WWOX: variants seen among roughly 807,000 people sequenced by gnomAD.
WWOX encodes the protein WW domain containing oxidoreductase.
Under a neutral mutation model 46.2 loss-of-function variants are expected in WWOX, and 69 were observed. The ratio of observed to expected loss-of-function variants is 1.49; its 90% confidence interval spans 1.23 to 1.82. The LOEUF is 1.82. WWOX is among the 40% of genes most tolerant of loss of function. The pLI, the probability that WWOX is intolerant of heterozygous loss-of-function variation, is 0.00. For synonymous variants in WWOX, 359 were observed against 202.6 expected, an observed-to-expected ratio of 1.77 and a Z score of -6.56; for missense variants, 919 against 542.6, an observed-to-expected ratio of 1.69 and a Z score of -6.89.
intron 8 of WWOX, among the ~76,000 whole-genome samples, chr16:78,744,470 C>T (rs1286529200): frequency 8.1e-6 from 1 of 123,526 alleles, no homozygotes; most frequent in African/African-American, 3.0e-5. Flanking sequence ...ATCTGTCTCT[C>T]ACCCAGGCTG....
At chr16:79,192,007 C>T (rs1009422087) in intron 8 of WWOX, among the ~76,000 whole-genome samples, 1 of 152,214 alleles carries the variant, frequency 6.6e-6, no homozygotes, top group Non-Finnish European at 1.5e-5. Flanking sequence ...AAACGCCTTA[C>T]ATAAACTGAC....
chr16:79,183,871 A>G lies in WWOX; in HGVS notation c.1057-27737A>G, dbSNP rs570664565. On this transcript the variant is annotated intron_variant, in intron 8 of 8. Transcript: ENST00000566780. The stretch of plus-strand genomic sequence containing the variant: ...CTGCATCACACTAACACTGTCACTC[A>G]GTCCTTTTCTCACTGCTCTGGTCTC... Among the ~76,000 whole-genome samples, 52 of 152,316 alleles carry G rather than the reference A, an allele frequency of 3.4e-4. No homozygotes were observed. In the South Asian group the frequency reaches 4.4e-3, roughly 13 times the overall value.
At chr16:78,700,650 A>G (rs1039676127) in intron 8 of WWOX, among the ~76,000 whole-genome samples, 8 of 152,130 alleles carry the variant, frequency 5.3e-5, no homozygotes, top group Non-Finnish European at 8.8e-5. Flanking sequence ...GTGCCATCAT[A>G]TTATACTTCC....
intron 8 of WWOX, among the ~76,000 whole-genome samples, chr16:79,012,535 A>C (rs528537302): frequency 5.3e-5 from 8 of 152,168 alleles, no homozygotes; most frequent in Non-Finnish European, 8.8e-5. Context: ...GCGCAGACGG[A>C]CATATGAATT....
intron 8 of WWOX, among the ~76,000 whole-genome samples, chr16:78,709,747 T>TG (rs1022805901): frequency 1.3e-4 from 20 of 151,760 alleles, no homozygotes; most frequent in Non-Finnish European, 2.1e-4. Context: ...TTTTTTTTTT[T>TG]TGTGATAATC....
At chr16:79,170,380 C>CA (rs2050677496) in intron 8 of WWOX, among the ~76,000 whole-genome samples, 1 of 152,194 alleles carries the variant, frequency 6.6e-6, no homozygotes, top group Non-Finnish European at 1.5e-5. Context: ...GGTCTGACTC[C>CA]AGAAGCACTT....
intron 8 of WWOX, among the ~76,000 whole-genome samples, chr16:78,781,110 G>A (rs2050313151): frequency 6.6e-6 from 1 of 152,154 alleles, no homozygotes; most frequent in African/African-American, 2.4e-5. Flanking sequence ...CCAAACAAAT[G>A]CTGTTGTTTC....
At chr16:78,758,669 A>G (rs958140147) in intron 8 of WWOX, among the ~76,000 whole-genome samples, 2 of 152,130 alleles carry the variant, frequency 1.3e-5, no homozygotes, top group African/African-American at 4.8e-5. Context: ...CTTTGGTTCC[A>G]ATCGTGTCCC....
rs542853523 is a variant in WWOX at position 78,167,169 on chromosome 16, A to G, written c.516+2880A>G. Reference sequence around the variant, plus strand: ...CTGAGAACACAATATATATGAGAACACATTCATCTGCATTTATCCTATTTT... The same window carrying G: ...CTGAGAACACAATATATATGAGAACGCATTCATCTGCATTTATCCTATTTT... On this transcript the variant is annotated intron_variant, in intron 5 of 8. Transcript: ENST00000566780. 24 of 152,282 alleles carry G rather than the reference A, an allele frequency of 1.6e-4. No homozygotes were observed. The East Asian group carries it at 2.9e-3, about 18-fold the overall frequency. 9.4% of individuals were successfully genotyped at this position (152,282 alleles called of 1,614,324 possible).
chr16:78,119,578 TATC>T (rs2032986776), intron 4 of WWOX, among the ~76,000 whole-genome samples: 1 of 152,124 alleles, frequency 6.6e-6, no homozygotes, highest in Non-Finnish European at 1.5e-5. Context: ...ACAGATTTAT[TATC>T]ATATTTACGG....
chr16:78,723,629 TTTTTC>T (rs1236141282), intron 8 of WWOX, among the ~76,000 whole-genome samples: 1 of 90,342 alleles, frequency 1.1e-5, no homozygotes, highest in East Asian at 3.5e-4. Flanking sequence ...TTTCTTTTCT[TTTTTC>T]TTTTCTTTTC....
Position 79,019,043 on chromosome 16 carries a change from G to C in WWOX, c.1057-192565G>C, listed in dbSNP as rs191577782. Among the ~76,000 whole-genome samples, 335 of 150,524 alleles carry C rather than the reference G, an allele frequency of 2.2e-3. 1 individual carries two copies. The highest frequency in any genetic ancestry group is 7.7e-3 in the African/African-American group (315 of 40,956). ...ATGGTGGCTCATGCCTGTAGTTTCA[G>C]CTATTCCGGAAGCTGAGGTAAGGAG... On this transcript the variant is annotated intron_variant, in intron 8 of 8. Transcript: ENST00000566780.
chr16:78,326,330 G>A (rs576579734), intron 5 of WWOX, among the ~76,000 whole-genome samples: 3 of 152,186 alleles, frequency 2.0e-5, no homozygotes, highest in Non-Finnish European at 2.9e-5. Context: ...TTGCAAGGCT[G>A]TATATGATAT....
At chr16:78,404,666 T>G (rs1226297483) in intron 6 of WWOX, among the ~76,000 whole-genome samples, 1 of 152,156 alleles carries the variant, frequency 6.6e-6, no homozygotes, top group Non-Finnish European at 1.5e-5. Context: ...AAGAGACACT[T>G]GGGTTAATTT....
intron 8 of WWOX, among the ~76,000 whole-genome samples, chr16:78,865,118 A>G (rs913813676): frequency 6.6e-5 from 10 of 152,166 alleles, no homozygotes; most frequent in Non-Finnish European, 1.2e-4. Context: ...CCTTATTAAC[A>G]TATTACATAT....
intron 8 of WWOX, among the ~76,000 whole-genome samples, chr16:78,984,100 G>T (rs895698007): frequency 1.3e-5 from 2 of 151,918 alleles, no homozygotes; most frequent in Non-Finnish European, 2.9e-5. Context: ...GGATGGTCTC[G>T]ATCTCCTGAC....
At chr16:78,865,743 G>A (rs1042424998) in intron 8 of WWOX, among the ~76,000 whole-genome samples, 1 of 152,138 alleles carries the variant, frequency 6.6e-6, no homozygotes, top group South Asian at 2.1e-4. Flanking sequence ...AGCCATGCTT[G>A]GTGGCAAGTG....
At chr16:78,460,758 A>C (rs1194196861) in intron 8 of WWOX, among the ~76,000 whole-genome samples, 1 of 152,232 alleles carries the variant, frequency 6.6e-6, no homozygotes, top group East Asian at 1.9e-4. Context: ...TGGGATCCAC[A>C]AGATGGAGTG....
intron 8 of WWOX, among the ~76,000 whole-genome samples, chr16:78,755,234 C>CAAA (rs5818169): frequency 0.024 from 3,400 of 139,790 alleles, 105 homozygotes; most frequent in African/African-American, 0.082. Flanking sequence ...AAAGTTTCAT[C>CAAA]AAAAAAAAAA....
Sources: allele counts gnomAD v4.1 joint callset (sites outside exome capture counted in the v4.1 genomes callset), GRCh38; gene constraint gnomAD v4.1.1; transcripts MANE v1.5; gene names NCBI Gene and HGNC (gene_info 2026-07-23, HGNC 2026-07-21).